The following PPP3CA variants were observed in gnomAD, a reference collection of about 807,000 sequenced individuals.
PPP3CA encodes CAM-PRP catalytic subunit.
PPP3CA carries 14 observed loss-of-function variants against 66.5 expected under a neutral mutation model. That is an observed-to-expected ratio of 0.21 (90% CI 0.14 to 0.33). PPP3CA has a LOEUF of 0.33. Among genes scored for constraint, PPP3CA ranks in the 10% least tolerant of loss-of-function variants. PPP3CA has a pLI of 1.00. For synonymous variants in PPP3CA, 232 were observed against 226.2 expected, an observed-to-expected ratio of 1.03 and a Z score of -0.23; for missense variants, 317 against 639.5, an observed-to-expected ratio of 0.50 and a Z score of 5.44.
chr4:101,095,315 C>A (rs965858891), intron 5 of PPP3CA, among the ~76,000 whole-genome samples: 2 of 152,112 alleles, frequency 1.3e-5, no homozygotes, highest in East Asian at 3.9e-4. Context: ...TAATATGAAT[C>A]CCCAACTAAA....
intron 2 of PPP3CA, among the ~76,000 whole-genome samples, chr4:101,135,883 C>G (rs908558127): frequency 1.3e-5 from 2 of 151,840 alleles, no homozygotes; most frequent in Non-Finnish European, 2.9e-5. Context: ...TTTGGGTAAA[C>G]AGCTTGAACT....
At chr4:101,087,394 G>A (rs962922630) in intron 6 of PPP3CA, among the ~76,000 whole-genome samples, 1 of 152,110 alleles carries the variant, frequency 6.6e-6, no homozygotes, top group African/African-American at 2.4e-5. Context: ...CTTTCACAAA[G>A]TGAACACCCT....
intron 1 of PPP3CA, among the ~76,000 whole-genome samples, chr4:101,321,237 A>G (rs1472612612): frequency 6.6e-6 from 1 of 152,230 alleles, no homozygotes; most frequent in East Asian, 1.9e-4. Flanking sequence ...AGAGGTAAAC[A>G]TGTCCATACA....
intron 2 of PPP3CA, among the ~76,000 whole-genome samples, chr4:101,129,782 G>C (rs2110281437): frequency 6.6e-6 from 1 of 152,270 alleles, no homozygotes; most frequent in South Asian, 2.1e-4. Flanking sequence ...AATTCACGAA[G>C]ATGAGGACAA....
intron 6 of PPP3CA, among the ~76,000 whole-genome samples, chr4:101,089,662 A>G (rs909345485): frequency 3.9e-5 from 6 of 152,204 alleles, no homozygotes; most frequent in African/African-American, 9.6e-5. Flanking sequence ...ATTGGTCTAC[A>G]TGAAATGAAA....
chr4:101,080,603 T>A lies in PPP3CA; in HGVS notation c.884A>T (p.Gln295Leu). The change falls in exon 8 of 14, where the codon CAA (glutamine) becomes CTA (leucine). Residue 295 changes from glutamine to leucine, a missense_variant. By Grantham distance (113) the Gln-to-Leu change is moderately radical. Coordinates refer to ENST00000394854, the MANE Select transcript of PPP3CA (RefSeq NM_000944.5). ...DAGYRMYRKS[Q>L]TTGFPSLITI... is the part of the protein sequence containing the mutation. ...AATTAGAGAAGGGAAGCCTGTTGTT[T>A]GGCTTTTCCTGTACATGCGGTACCT... 1 of 1,530,116 alleles carries A rather than the reference T, an allele frequency of 6.5e-7. No individual in the cohort carries two copies. The highest frequency in any genetic ancestry group is 2.3e-5 in the East Asian group (1 of 44,276). 94.8% of individuals were successfully genotyped at this position (1,530,116 alleles called of 1,614,324 possible). A position where few individuals can be genotyped will look rare whatever the true frequency, so the allele number is the denominator to read the frequency against.
At chr4:101,038,950 G>A (rs181508538) in intron 11 of PPP3CA, among the ~76,000 whole-genome samples, 3 of 152,280 alleles carry the variant, frequency 2.0e-5, no homozygotes, top group Admixed American at 2.0e-4. Flanking sequence ...TTTATCACGG[G>A]ATAGTCATGG....
At chr4:101,326,415 A>T (rs1729211189) in intron 1 of PPP3CA, among the ~76,000 whole-genome samples, 1 of 152,344 alleles carries the variant, frequency 6.6e-6, no homozygotes, top group Non-Finnish European at 1.5e-5. Context: ...AACAGTAAAA[A>T]TAACTGACAC....
chr4:101,090,530 T>C lies in PPP3CA; in HGVS notation c.782+3246A>G, dbSNP rs1188458284. Reference sequence around the variant, plus strand: ...GGTGGCGCATGCCTGTAATCCCAGCTACTCGGGAGGCTGAGACAGGAGAAT... The same window carrying C: ...GGTGGCGCATGCCTGTAATCCCAGCCACTCGGGAGGCTGAGACAGGAGAAT... On this transcript the variant is annotated intron_variant, in intron 6 of 13. Coordinates refer to ENST00000394854, the MANE Select transcript of PPP3CA (RefSeq NM_000944.5). 2.0e-5 allele frequency among the ~76,000 whole-genome samples: 3 copies of C among 150,032 alleles called. No individual in the cohort carries two copies. The Admixed American group carries it at 2.0e-4, about 10-fold the overall frequency.
intron 2 of PPP3CA, among the ~76,000 whole-genome samples, chr4:101,148,187 GA>G (rs1000583490): frequency 4.6e-5 from 7 of 151,630 alleles, no homozygotes; most frequent in Non-Finnish European, 7.4e-5. Context: ...AATGTACTTG[GA>G]AAAAAAATGT....
intron 1 of PPP3CA, among the ~76,000 whole-genome samples, chr4:101,285,873 G>A (rs1304405464): frequency 6.6e-6 from 1 of 152,078 alleles, no homozygotes; most frequent in Non-Finnish European, 1.5e-5. Context: ...AGTTTTGGCT[G>A]ATAATTTACA....
intron 2 of PPP3CA, among the ~76,000 whole-genome samples, chr4:101,136,741 T>C (rs1722635987): frequency 6.6e-6 from 1 of 151,966 alleles, no homozygotes; most frequent in African/African-American, 2.4e-5. Context: ...TTGGGTTTTG[T>C]TTTGTGTGAA....
chr4:101,060,823 G>A (rs1239820073), intron 10 of PPP3CA, among the ~76,000 whole-genome samples: 2 of 152,000 alleles, frequency 1.3e-5, no homozygotes, highest in Admixed American at 1.3e-4. Flanking sequence ...GCCAAAAAAG[G>A]TCACTTAGCA....
At chr4:101,314,390 C>T (rs1728821014) in intron 1 of PPP3CA, among the ~76,000 whole-genome samples, 1 of 151,706 alleles carries the variant, frequency 6.6e-6, no homozygotes, top group African/African-American at 2.4e-5. Flanking sequence ...TGGTGAAACC[C>T]CGTCTCTACT....
At chr4:101,160,001 G>GA (rs1443928164) in intron 2 of PPP3CA, among the ~76,000 whole-genome samples, 1 of 152,048 alleles carries the variant, frequency 6.6e-6, no homozygotes, top group Non-Finnish European at 1.5e-5. Context: ...TAGCCCAATA[G>GA]AAAAAATATT....
At chr4:101,158,355 T>A (rs1408734502) in intron 2 of PPP3CA, 1 of 152,194 alleles carries the variant, frequency 6.6e-6, no homozygotes, top group Admixed American at 6.5e-5. Context: ...TTCAGACAGA[T>A]CACAAATGGA....
rs1730363959 is a variant in PPP3CA, at chr4:101,099,882, G to C, written c.385-160C>G. 2.6e-5 allele frequency among the ~76,000 whole-genome samples: 4 copies of C among 151,830 alleles called. No individual in the cohort carries two copies. In the South Asian group the frequency reaches 8.3e-4, roughly 31 times the overall value. On this transcript the variant is annotated intron_variant, in intron 3 of 13. Transcript: ENST00000394854. The stretch of plus-strand genomic sequence containing the variant: ...AGAGAAGATATTGACAATCAAATAG[G>C]AAACATTACTTTGGTAAAAAGCCAA...
At chr4:101,036,465 G>T (rs1727254605) in intron 11 of PPP3CA, among the ~76,000 whole-genome samples, 1 of 151,442 alleles carries the variant, frequency 6.6e-6, no homozygotes. Context: ...AGGCTGGAGT[G>T]CAGTGGCGCA....
intron 1 of PPP3CA, among the ~76,000 whole-genome samples, chr4:101,262,859 A>G (rs1727050969): frequency 6.6e-6 from 1 of 152,154 alleles, no homozygotes; most frequent in Admixed American, 6.6e-5. Context: ...AATTTGTATT[A>G]AGCTTTACAC....
Sources: gnomAD v4.1 joint callset for allele counts (sites outside exome capture counted in the v4.1 genomes callset) on GRCh38, gnomAD v4.1.1 for gene constraint, MANE v1.5 for transcripts, NCBI Gene and HGNC (gene_info 2026-07-23, HGNC 2026-07-21) for gene names.